The following MGMT variants were observed in gnomAD, a reference collection of about 807,000 sequenced individuals.
MGMT encodes the protein methylated-DNA--protein-cysteine methyltransferase.
A neutral mutation model predicts 15.9 loss-of-function variants in MGMT; 14 were observed. The observed-to-expected ratio is 0.88, with a 90% confidence interval of 0.58 to 1.37. The LOEUF is 1.37. MGMT is among the 40% of genes most tolerant of loss of function. The pLI is 0.00. For synonymous variants in MGMT, 130 were observed against 118.2 expected (o/e 1.10, Z -0.65); for missense variants, 282 against 268.1 (o/e 1.05, Z -0.36).
intron 2 of MGMT, among the ~76,000 whole-genome samples, chr10:129,685,468 C>T (rs575440038): frequency 6.6e-6 from 1 of 152,296 alleles, no homozygotes; most frequent in South Asian, 2.1e-4. Flanking sequence ...CACCTCCTGG[C>T]CTCCTCGACC....
At chr10:129,731,225 T>C (rs1357537296) in intron 3 of MGMT, among the ~76,000 whole-genome samples, 1 of 16,228 alleles carries the variant, frequency 6.2e-5, no homozygotes, top group Non-Finnish European at 9.1e-5. Flanking sequence ...GGGCTCAGAG[T>C]GGGCTTAAAT....
At position 129,678,051 on chromosome 10, in the gene MGMT, G is replaced by A. The variant is rs61746519; in HGVS notation, c.126-29844G>A. 4.1e-3 allele frequency among the ~76,000 whole-genome samples: 624 copies of A among 152,246 alleles called. 5 individuals are homozygous for A. The highest frequency in any genetic ancestry group is 0.014 in the African/African-American group (566 of 41,548). On this transcript the variant is annotated intron_variant, in intron 2 of 4. Transcript: ENST00000651593. ...TAACTCTGGAGGGCTGCCTGGCATC[G>A]TCCTTCATCATTGTCCAGAAACGCT... is the stretch of plus-strand genomic sequence containing the variant.
At chr10:129,687,453 G>T (rs556385032) in intron 2 of MGMT, among the ~76,000 whole-genome samples, 6 of 152,238 alleles carry the variant, frequency 3.9e-5, no homozygotes, top group African/African-American at 1.4e-4. Context: ...TGGTGCACAG[G>T]GGGGACCCAG....
rs1848528270 is a variant in MGMT, at chr10:129,733,675, G to T, written c.275-25527G>T. On this transcript the variant is annotated intron_variant, in intron 3 of 4. Transcript: ENST00000651593. ...ATGGTAATGCCTAGGTTTTCTTCTA[G>T]GTTTTTTATGGTTTTAGGTCTAACG... Among the ~76,000 whole-genome samples the T allele has an allele frequency of 5.3e-5, 8 of 152,088 alleles. 1 individual carries two copies. In the South Asian group the frequency reaches 1.7e-3, roughly 32 times the overall value.
intron 3 of MGMT, among the ~76,000 whole-genome samples, chr10:129,719,019 T>C (rs1176712594): frequency 2.0e-5 from 3 of 151,992 alleles, no homozygotes; most frequent in Non-Finnish European, 2.9e-5. Context: ...CTTCCTGAGA[T>C]GTCTAGAGCC....
chr10:129,486,177 CTTTTTTT>C (rs33985155), intron 1 of MGMT, among the ~76,000 whole-genome samples: 3 of 113,290 alleles, frequency 2.6e-5, no homozygotes, highest in Non-Finnish European at 1.7e-5. Flanking sequence ...CTTCTCTTCT[CTTTTTTT>C]TTTTTTTTTT....
chr10:129,487,844 A>G, intron 1 of MGMT, among the ~76,000 whole-genome samples: 1 of 150,674 alleles, frequency 6.6e-6, no homozygotes, highest in Non-Finnish European at 1.5e-5. Context: ...TTTGCTTCTT[A>G]TGTGTGTGTT....
At chr10:129,667,364 A>G (rs1451357448) in intron 2 of MGMT, among the ~76,000 whole-genome samples, 1 of 152,192 alleles carries the variant, frequency 6.6e-6, no homozygotes, top group African/African-American at 2.4e-5. Context: ...AACTGTACAT[A>G]TAATAAATTA....
At chr10:129,531,374 G>C (rs981750010) in intron 1 of MGMT, among the ~76,000 whole-genome samples, 6 of 152,074 alleles carry the variant, frequency 3.9e-5, no homozygotes, top group Non-Finnish European at 8.8e-5. Context: ...GCTGGGTTGC[G>C]ATGGTTTCAC....
chr10:129,519,410 A>G (rs1845779456), intron 1 of MGMT, among the ~76,000 whole-genome samples: 1 of 152,240 alleles, frequency 6.6e-6, no homozygotes, highest in African/African-American at 2.4e-5. Context: ...AATGTAACTA[A>G]TTTAGAACAT....
intron 2 of MGMT, among the ~76,000 whole-genome samples, chr10:129,612,568 G>A (rs958855587): frequency 9.9e-5 from 15 of 152,162 alleles, no homozygotes; most frequent in African/African-American, 3.4e-4. Flanking sequence ...GCAGGGCTTG[G>A]GCCGTCCAGT....
chr10:129,710,921 T>C (rs1190870031), intron 3 of MGMT, among the ~76,000 whole-genome samples: 5 of 152,234 alleles, frequency 3.3e-5, no homozygotes, highest in Non-Finnish European at 7.3e-5. Flanking sequence ...CATATCATTT[T>C]TCACCATAGT....
intron 1 of MGMT, among the ~76,000 whole-genome samples, chr10:129,486,690 G>A (rs548707901): frequency 1.0e-3 from 153 of 152,288 alleles, no homozygotes; most frequent in Non-Finnish European, 1.8e-3. Flanking sequence ...AACTTTATAT[G>A]GAGGGGACCC....
chr10:129,633,588 T>C (rs577176263), intron 2 of MGMT, among the ~76,000 whole-genome samples: 16 of 152,200 alleles, frequency 1.1e-4, no homozygotes, highest in Non-Finnish European at 2.4e-4. Context: ...AAAATGACTT[T>C]TACTTATTTT....
At chr10:129,514,654 G>GT in intron 1 of MGMT, among the ~76,000 whole-genome samples, 1 of 109,898 alleles carries the variant, frequency 9.1e-6, no homozygotes, top group South Asian at 2.7e-4. Context: ...TGGGGCCTTT[G>GT]GGGGGAGATT....
intron 2 of MGMT, among the ~76,000 whole-genome samples, chr10:129,557,325 C>A (rs548045391): frequency 6.6e-6 from 1 of 152,152 alleles, no homozygotes; most frequent in Admixed American, 6.5e-5. Flanking sequence ...TTGACATCTT[C>A]CCACCTTTCC....
At chr10:129,530,095 G>T (rs546631770) in intron 1 of MGMT, among the ~76,000 whole-genome samples, 1 of 151,982 alleles carries the variant, frequency 6.6e-6, no homozygotes, top group Admixed American at 6.6e-5. Context: ...TAGAGCTGGG[G>T]TTTCGCCACA....
At chr10:129,598,336 T>C (rs1564864163) in intron 2 of MGMT, among the ~76,000 whole-genome samples, 1 of 152,202 alleles carries the variant, frequency 6.6e-6, no homozygotes, top group Non-Finnish European at 1.5e-5. Context: ...TTGTTCTTTC[T>C]GGCGGCTTCC....
intron 2 of MGMT, among the ~76,000 whole-genome samples, chr10:129,666,654 T>C (rs1210453124): frequency 6.6e-6 from 1 of 152,240 alleles, no homozygotes; most frequent in African/African-American, 2.4e-5. Flanking sequence ...CAATTTATTC[T>C]CTTTAACTTT....
Sources: allele counts gnomAD v4.1 joint callset (sites outside exome capture counted in the v4.1 genomes callset), GRCh38; gene constraint gnomAD v4.1.1; transcripts MANE v1.5; gene names NCBI Gene and HGNC (gene_info 2026-07-23, HGNC 2026-07-21).